The following POC5 variants were observed in gnomAD, a reference collection of about 807,000 sequenced individuals.
POC5 encodes POC5 centriolar protein.
Under a neutral mutation model 62.9 loss-of-function variants are expected in POC5, and 48 were observed. The ratio of observed to expected loss-of-function variants is 0.76; its 90% confidence interval spans 0.61 to 0.97. The LOEUF (loss-of-function observed/expected upper bound fraction) is 0.97, where lower values mean the gene tolerates loss of function less well. Among genes scored for constraint, POC5 ranks in the 50% least tolerant of loss-of-function variants. POC5 has a pLI of 0.00. For synonymous variants in POC5, 236 were observed against 228.2 expected, an observed-to-expected ratio of 1.03 and a Z score of -0.31; for missense variants, 696 against 679.5, an observed-to-expected ratio of 1.02 and a Z score of -0.27.
intron 11 of POC5, among the ~76,000 whole-genome samples, chr5:75,676,494 T>G (rs2112063631): frequency 6.6e-6 from 1 of 152,326 alleles, no homozygotes; most frequent in East Asian, 1.9e-4. Context: ...TGAAGTTCAG[T>G]TCAAATCAAT....
intron 8 of POC5, 39 bp from the exon 9 acceptor site, chr5:75,689,204 T>A (rs1561466985): frequency 6.7e-7 from 1 of 1,497,270 alleles, no homozygotes; most frequent in South Asian, 1.4e-5. Flanking sequence ...CAATTTGAGA[T>A]ACAAAGAAGA....
At chr5:75,687,357 G>A (rs778626537) in intron 9 of POC5, among the ~76,000 whole-genome samples, 1 of 151,432 alleles carries the variant, frequency 6.6e-6, no homozygotes, top group Non-Finnish European at 1.5e-5. Flanking sequence ...TTAATAGAAG[G>A]GGGCCAAAAG....
intron 1 of POC5, among the ~76,000 whole-genome samples, chr5:75,715,413 A>G (rs1777517347): frequency 6.6e-6 from 1 of 152,140 alleles, no homozygotes; most frequent in Non-Finnish European, 1.5e-5. Flanking sequence ...GCCTCAGGAA[A>G]CTTAAAATCA....
chr5:75,698,246 C>A (rs1043955425), intron 5 of POC5, among the ~76,000 whole-genome samples: 6 of 143,718 alleles, frequency 4.2e-5, no homozygotes, highest in Non-Finnish European at 9.2e-5. Context: ...ACTCTCCACC[C>A]CAAATCAACA....
chr5:75,713,161 G>A lies in POC5; in HGVS notation c.-14-210C>T, dbSNP rs367574787. On this transcript the variant is annotated intron_variant, in intron 1 of 11. Transcript: ENST00000428202. ...GTCCCAATATTAGTGAGTTTATAAC[G>A]TAGTCAGGTCTTCAGAAAAATCCCC... Among the ~76,000 whole-genome samples, 110 of 152,338 alleles carry A rather than the reference G, an allele frequency of 7.2e-4. 1 individual carries two copies. Among genetic ancestry groups the A allele is most frequent in the African/African-American group, 2.5e-3 (102 of 41,578 alleles).
chr5:75,707,701 TTTAAA>T, intron 3 of POC5, 31 bp downstream of exon 3: 3 of 1,433,508 alleles, frequency 2.1e-6, no homozygotes, highest in Non-Finnish European at 1.9e-6. Context: ...TCAGTAATAT[TTTAAA>T]TTAAGAGATA....
In POC5 at chr5:75,690,493, G is replaced by GCCAGACTTT. The variant is rs1561467868; in HGVS notation, c.856_864dup (p.Lys286_Trp288dup). The GCCAGACTTT allele has an allele frequency of 6.2e-7, 1 of 1,607,688 alleles. No homozygotes were observed. Among genetic ancestry groups the GCCAGACTTT allele is most frequent in the Non-Finnish European group, 8.5e-7 (1 of 1,176,644 alleles). ...TTCCACTGCTTTTGCACTACGGAAC[G>GCCAGACTTT]CCAGACTTTCCAGACTTTCTTCAGT... On this transcript the variant is annotated inframe_insertion, in exon 8 of 12. Transcript: ENST00000428202.
chr5:75,716,716 T>C (rs1051040733), intron 1 of POC5, among the ~76,000 whole-genome samples: 1 of 152,264 alleles, frequency 6.6e-6, no homozygotes, highest in Non-Finnish European at 1.5e-5. Context: ...TTTTGTGTGC[T>C]TCTCTGTTGC....
intron 5 of POC5, among the ~76,000 whole-genome samples, chr5:75,695,362 T>A (rs1776518188): frequency 6.6e-6 from 1 of 152,118 alleles, no homozygotes; most frequent in Non-Finnish European, 1.5e-5. Flanking sequence ...CAAATAATAA[T>A]TTGTTATTAA....
At chr5:75,701,097 T>C (rs1164291995) in intron 5 of POC5, among the ~76,000 whole-genome samples, 4 of 123,594 alleles carry the variant, frequency 3.2e-5, no homozygotes, top group Non-Finnish European at 3.6e-5. Context: ...TGTGGAGAAA[T>C]AGGAACACTT....
chr5:75,708,483 C>A (rs1406392891), intron 2 of POC5, among the ~76,000 whole-genome samples: 4 of 152,008 alleles, frequency 2.6e-5, no homozygotes, highest in Admixed American at 2.6e-4. Context: ...TAAAAAGATA[C>A]CATTTTTGGA....
intron 4 of POC5, 69 bp from the exon 5 acceptor site, chr5:75,702,879 T>C: frequency 1.6e-6 from 2 of 1,272,676 alleles, no homozygotes; most frequent in Non-Finnish European, 1.1e-6. Flanking sequence ...GGAACCATAC[T>C]GGAAGGCTAA....
chr5:75,702,604 C>G lies in POC5; in HGVS notation c.513+1G>C. On this transcript the variant is annotated splice_donor_variant, in intron 5 of 11. Transcript: ENST00000428202. LOFTEE classifies it high-confidence loss of function. Reference sequence around the variant, plus strand: ...GTAATTGAAGAACTGCTGTACCGTACCTTAAGACCTGAACTCCAAAGATCA... The same window carrying G: ...GTAATTGAAGAACTGCTGTACCGTAGCTTAAGACCTGAACTCCAAAGATCA... The G allele has an allele frequency of 6.2e-7, 1 of 1,612,064 alleles. No homozygotes were observed. Among genetic ancestry groups the G allele is most frequent in the East Asian group, 2.2e-5 (1 of 44,846 alleles).
intron 5 of POC5, among the ~76,000 whole-genome samples, chr5:75,702,108 G>A (rs966889668): frequency 7.9e-5 from 12 of 151,486 alleles, no homozygotes; most frequent in Non-Finnish European, 1.6e-4. Flanking sequence ...GAGCTTGACA[G>A]AAATGAGAAC....
chr5:75,705,869 C>G (rs931904492), intron 3 of POC5, 82 bp from the exon 4 acceptor site: 1 of 825,412 alleles, frequency 1.2e-6, no homozygotes, highest in African/African-American at 1.8e-5. Flanking sequence ...AAGAAGGTAG[C>G]AGTACATAAT....
Position 75,676,748 on chromosome 5 carries a change from G to A in POC5, c.1584+1026C>T, listed in dbSNP as rs117838802. 4.0e-3 allele frequency among the ~76,000 whole-genome samples: 610 copies of A among 152,002 alleles called. 31 individuals are homozygous for A. The East Asian group carries it at 0.072, about 18-fold the overall frequency. On this transcript the variant is annotated intron_variant, in intron 11 of 11. Coordinates refer to ENST00000428202, the MANE Select transcript of POC5 (RefSeq NM_001099271.2). ...GAGGCAGGAGAATTGTTTGAACCCA[G>A]GGGGCGGAGATTGCAGTGCGCCAAC...
At position 75,710,828 on chromosome 5, in the gene POC5, C is replaced by T. The variant is rs78278034; in HGVS notation, c.84+2026G>A. ...ACTAGATTTAGCCAAGTCAGCTCTA[C>T]TCAGAGTTAGCCTATCACCACCTCT... On this transcript the variant is annotated intron_variant, in intron 2 of 11. Transcript: ENST00000428202. 6.3e-3 allele frequency among the ~76,000 whole-genome samples: 956 copies of T among 152,268 alleles called. 13 individuals carry two copies. Among genetic ancestry groups the T allele is most frequent in the African/African-American group, 0.022 (916 of 41,538 alleles).
At chr5:75,715,168 G>C (rs760935242) in intron 1 of POC5, among the ~76,000 whole-genome samples, 1 of 152,036 alleles carries the variant, frequency 6.6e-6, no homozygotes, top group Non-Finnish European at 1.5e-5. Context: ...AAATTAGCCT[G>C]GCGTGGTGGT....
At chr5:75,708,144 G>A (rs1777199911) in intron 2 of POC5, among the ~76,000 whole-genome samples, 1 of 151,966 alleles carries the variant, frequency 6.6e-6, no homozygotes, top group Non-Finnish European at 1.5e-5. Context: ...AGGATGGCTT[G>A]AAGCCTGAGC....
Sources: gnomAD v4.1 joint callset for allele counts (sites outside exome capture counted in the v4.1 genomes callset) on GRCh38, gnomAD v4.1.1 for gene constraint, MANE v1.5 for transcripts, NCBI Gene and HGNC (gene_info 2026-07-23, HGNC 2026-07-21) for gene names.